Variants in ZNF892 observed in about 807,000 individuals in gnomAD.
The protein encoded by ZNF892 is zinc finger protein 570-like.
the ZNF892 span, among the ~76,000 whole-genome samples, chr2:95,225,062 T>C: frequency 1.3e-5 from 2 of 152,240 alleles, no homozygotes; most frequent in East Asian, 3.8e-4. Context: ...ATTATAGCAT[T>C]CTGTCATAGC....
At chr2:95,221,576 T>C in the ZNF892 span, among the ~76,000 whole-genome samples, 1 of 152,218 alleles carries the variant, frequency 6.6e-6, no homozygotes, top group African/African-American at 2.4e-5. Context: ...AGATTTACTG[T>C]TTCTTCTAGA....
the ZNF892 span, among the ~76,000 whole-genome samples, chr2:95,252,786 T>G: frequency 6.6e-6 from 1 of 152,246 alleles, no homozygotes; most frequent in Non-Finnish European, 1.5e-5. Flanking sequence ...TTCTAACTGG[T>G]GTGAGATGGT....
the ZNF892 span, among the ~76,000 whole-genome samples, chr2:95,246,949 T>A: frequency 6.6e-6 from 1 of 152,198 alleles, no homozygotes; most frequent in Non-Finnish European, 1.5e-5. Flanking sequence ...ATTTATAGAT[T>A]GAATGGCATT....
chr2:95,208,144 G>T, the ZNF892 span, among the ~76,000 whole-genome samples: 4 of 152,204 alleles, frequency 2.6e-5, no homozygotes, highest in African/African-American at 4.8e-5. Context: ...GACCCTTTTG[G>T]AAGGTAGGGA....
At chr2:95,252,692 AG>A in the ZNF892 span, among the ~76,000 whole-genome samples, 13 of 152,238 alleles carry the variant, frequency 8.5e-5, no homozygotes, top group African/African-American at 2.9e-4. Context: ...ACTAGTTTAC[AG>A]CCCCACCAAC....
At chr2:95,229,122 C>T in the ZNF892 span, among the ~76,000 whole-genome samples, 3 of 152,062 alleles carry the variant, frequency 2.0e-5, no homozygotes, top group East Asian at 5.8e-4. Context: ...TAAGCTGTGC[C>T]CCGATCACCT....
chr2:95,234,336 G>A, the ZNF892 span, among the ~76,000 whole-genome samples: 1 of 152,234 alleles, frequency 6.6e-6, no homozygotes, highest in Admixed American at 6.5e-5. Flanking sequence ...TTCTCTCTCT[G>A]ACATTTTCCT....
the ZNF892 span, among the ~76,000 whole-genome samples, chr2:95,245,461 G>T: frequency 1.6e-3 from 19 of 11,562 alleles, no homozygotes; most frequent in Admixed American, 6.8e-3. Context: ...GGGGGGGGGG[G>T]GGTTTCACCA....
chr2:95,208,228 A>G, the ZNF892 span, among the ~76,000 whole-genome samples: 1 of 152,158 alleles, frequency 6.6e-6, no homozygotes, highest in African/African-American at 2.4e-5. Context: ...TGGTTTTTCC[A>G]TAAGACGCAT....
the ZNF892 span, chr2:95,207,682 G>A: frequency 5.0e-6 from 2 of 397,046 alleles, no homozygotes; most frequent in Non-Finnish European, 8.9e-6. Flanking sequence ...GGAGGGTGGC[G>A]GGAGGACCCC....
chr2:95,260,058 G>C, the ZNF892 span, among the ~76,000 whole-genome samples: 1 of 152,198 alleles, frequency 6.6e-6, no homozygotes, highest in Non-Finnish European at 1.5e-5. Flanking sequence ...CTGTCTCCAA[G>C]ATTCACACCC....
chr2:95,213,927 G>C, the ZNF892 span, among the ~76,000 whole-genome samples: 1 of 152,206 alleles, frequency 6.6e-6, no homozygotes, highest in South Asian at 2.1e-4. Flanking sequence ...GCTCTGGTCA[G>C]ATGGGTACAG....
the ZNF892 span, among the ~76,000 whole-genome samples, chr2:95,238,535 ATGG>A: frequency 5.3e-5 from 8 of 152,358 alleles, no homozygotes; most frequent in East Asian, 1.5e-3. Flanking sequence ...TCTGAAGCCC[ATGG>A]ATCAAGGAGT....
chr2:95,229,941 G>A, the ZNF892 span, among the ~76,000 whole-genome samples: 1 of 152,074 alleles, frequency 6.6e-6, no homozygotes, highest in African/African-American at 2.4e-5. Context: ...TGTACTTTTA[G>A]TCTGTTACAT....
chr2:95,225,250 A>G, the ZNF892 span, among the ~76,000 whole-genome samples: 1 of 152,356 alleles, frequency 6.6e-6, no homozygotes, highest in Non-Finnish European at 1.5e-5. Flanking sequence ...AAAAACACAT[A>G]ACATAAAATT....
chr2:95,231,004 A>C, the ZNF892 span, among the ~76,000 whole-genome samples: 2 of 152,244 alleles, frequency 1.3e-5, no homozygotes, highest in Admixed American at 1.3e-4. Context: ...TGGGAAGATA[A>C]AAATGCTACT....
chr2:95,248,644 C>T, the ZNF892 span, among the ~76,000 whole-genome samples: 1 of 152,050 alleles, frequency 6.6e-6, no homozygotes, highest in South Asian at 2.1e-4. Flanking sequence ...ACCTAAGAAA[C>T]CTGGTTATTT....
the ZNF892 span, among the ~76,000 whole-genome samples, chr2:95,261,880 G>A: frequency 6.6e-6 from 1 of 152,200 alleles, no homozygotes; most frequent in East Asian, 1.9e-4. Flanking sequence ...GGCCAAGGCT[G>A]GTAGGAATGG....
the ZNF892 span, chr2:95,211,642 G>A: frequency 2.5e-6 from 1 of 398,624 alleles, no homozygotes; most frequent in Non-Finnish European, 4.4e-6. Flanking sequence ...GGATATGGCC[G>A]AGGCTCTCAC....
Sources: gnomAD v4.1 joint callset for allele counts (sites outside exome capture counted in the v4.1 genomes callset) on GRCh38, gnomAD v4.1.1 for gene constraint, MANE v1.5 for transcripts, NCBI Gene and HGNC (gene_info 2026-07-23, HGNC 2026-07-21) for gene names.